Variants in ALK observed in about 807,000 individuals in gnomAD.
ALK encodes the protein ALK tyrosine kinase receptor.
A neutral mutation model predicts 163.1 loss-of-function variants in ALK; 74 were observed. The ratio of observed to expected loss-of-function variants is 0.45; its 90% CI spans 0.38 to 0.55. ALK has a LOEUF of 0.55. ALK is among the 20% of genes least tolerant of loss of function. The pLI is 0.00. For missense variants in ALK, 2,063 were observed against 2,105.3 expected (o/e 0.98, Z 0.39); for synonymous variants, 960 against 843.2 (o/e 1.14, Z -2.40).
intron 4 of ALK, among the ~76,000 whole-genome samples, chr2:29,450,982 C>T (rs1327525205): frequency 3.3e-5 from 5 of 151,960 alleles, no homozygotes; most frequent in African/African-American, 1.2e-4. Flanking sequence ...TTTTATGAGC[C>T]CTAAAGTTTA....
intron 1 of ALK, among the ~76,000 whole-genome samples, chr2:29,913,484 A>C (rs1667758058): frequency 6.6e-6 from 1 of 152,164 alleles, no homozygotes; most frequent in African/African-American, 2.4e-5. Context: ...ACCCTAGACC[A>C]CAGAGCAACA....
At chr2:29,251,567 G>A (rs1357116269) in intron 11 of ALK, among the ~76,000 whole-genome samples, 1 of 152,218 alleles carries the variant, frequency 6.6e-6, no homozygotes, top group Non-Finnish European at 1.5e-5. Flanking sequence ...AGCAAGAATA[G>A]CAAGCCACAG....
chr2:29,791,904 T>G (rs1664199920), intron 1 of ALK, among the ~76,000 whole-genome samples: 1 of 152,198 alleles, frequency 6.6e-6, no homozygotes, highest in African/African-American at 2.4e-5. Flanking sequence ...ATCGGGTGAT[T>G]CAGATGCACT....
At chr2:29,713,353 A>C (rs1475535351) in intron 2 of ALK, among the ~76,000 whole-genome samples, 1 of 152,180 alleles carries the variant, frequency 6.6e-6, no homozygotes, top group Non-Finnish European at 1.5e-5. Flanking sequence ...GGGAGACACA[A>C]GTCAATCCCC....
intron 1 of ALK, among the ~76,000 whole-genome samples, chr2:29,830,992 A>G (rs868392979): frequency 5.7e-5 from 3 of 52,464 alleles, no homozygotes; most frequent in Non-Finnish European, 1.2e-4. Flanking sequence ...GAAGAAGAAG[A>G]AGAAGAAGAA....
chr2:29,461,626 T>C (rs1442876440), intron 4 of ALK, among the ~76,000 whole-genome samples: 1 of 152,170 alleles, frequency 6.6e-6, no homozygotes, highest in Non-Finnish European at 1.5e-5. Flanking sequence ...TGTTCAGACC[T>C]ATTGCTCAGA....
At chr2:29,413,639 C>T (rs1476184060) in intron 4 of ALK, among the ~76,000 whole-genome samples, 2 of 152,190 alleles carry the variant, frequency 1.3e-5, no homozygotes, top group Admixed American at 1.3e-4. Flanking sequence ...TCAAGCAAGT[C>T]TCCTGCCTCA....
At chr2:29,528,310 C>A (rs1327980845) in intron 4 of ALK, among the ~76,000 whole-genome samples, 1 of 152,164 alleles carries the variant, frequency 6.6e-6, no homozygotes, top group Non-Finnish European at 1.5e-5. Flanking sequence ...ACACGCCACC[C>A]ACCATCAAGC....
At chr2:29,452,615 T>C (rs959752420) in intron 4 of ALK, among the ~76,000 whole-genome samples, 7 of 152,214 alleles carry the variant, frequency 4.6e-5, no homozygotes, top group African/African-American at 1.4e-4. Flanking sequence ...ATTTATATAG[T>C]CTCAAAGTAT....
intron 1 of ALK, among the ~76,000 whole-genome samples, chr2:29,732,019 G>T (rs192556462): frequency 9.2e-5 from 14 of 152,196 alleles, no homozygotes; most frequent in Admixed American, 6.5e-5. Context: ...GGTAAACCCT[G>T]GTCATTTGTA....
At chr2:29,298,077 T>C (rs1359586458) in intron 8 of ALK, among the ~76,000 whole-genome samples, 3 of 152,224 alleles carry the variant, frequency 2.0e-5, no homozygotes, top group Non-Finnish European at 4.4e-5. Context: ...CACAATTTGA[T>C]TGAAGAGGTT....
chr2:29,908,040 G>T (rs951897782), intron 1 of ALK, among the ~76,000 whole-genome samples: 1 of 152,002 alleles, frequency 6.6e-6, no homozygotes, highest in Non-Finnish European at 1.5e-5. Context: ...AGCTTCACGG[G>T]GCTCCAACAC....
intron 7 of ALK, among the ~76,000 whole-genome samples, chr2:29,318,627 C>T (rs193259122): frequency 3.3e-3 from 496 of 150,880 alleles, no homozygotes; most frequent in Non-Finnish European, 5.5e-3. Flanking sequence ...AGTGCAGTGG[C>T]GCGATCTTGG....
intron 7 of ALK, among the ~76,000 whole-genome samples, 174 bp from the exon 8 acceptor site, chr2:29,318,578 T>G (rs569909835): frequency 5.3e-5 from 8 of 151,992 alleles, no homozygotes; most frequent in African/African-American, 1.7e-4. Flanking sequence ...TCTTTTTTTT[T>G]TTTTTTGAGA....
intron 1 of ALK, among the ~76,000 whole-genome samples, chr2:29,868,852 A>AG (rs5830135): frequency 0.81 from 123,696 of 152,074 alleles, 50,440 homozygotes; most frequent in Non-Finnish European, 0.83. Context: ...ATAGCTACTG[A>AG]GGTAACATAT....
At chr2:29,462,539 T>C (rs576133655) in intron 4 of ALK, among the ~76,000 whole-genome samples, 1 of 152,312 alleles carries the variant, frequency 6.6e-6, no homozygotes, top group South Asian at 2.1e-4. Flanking sequence ...AAATGATTGT[T>C]AGCATATTTT....
chr2:29,445,433 G>C (rs927095827), intron 4 of ALK, among the ~76,000 whole-genome samples: 1 of 152,200 alleles, frequency 6.6e-6, no homozygotes, highest in African/African-American at 2.4e-5. Flanking sequence ...TCACAGGCTG[G>C]GTAACGCTCT....
chr2:29,524,150 G>T (rs1315338459), intron 4 of ALK, among the ~76,000 whole-genome samples: 5 of 152,160 alleles, frequency 3.3e-5, no homozygotes, highest in Non-Finnish European at 5.9e-5. Flanking sequence ...GGCTTTAGAA[G>T]AGGTGCATCC....
intron 3 of ALK, among the ~76,000 whole-genome samples, chr2:29,540,102 T>C (rs1324514250): frequency 6.6e-6 from 1 of 152,196 alleles, no homozygotes; most frequent in African/African-American, 2.4e-5. Context: ...TGAAATGGTA[T>C]ATTTTCAAAT....
Sources: gnomAD v4.1 joint callset for allele counts (sites outside exome capture counted in the v4.1 genomes callset) on GRCh38, gnomAD v4.1.1 for gene constraint, MANE v1.5 for transcripts, NCBI Gene and HGNC (gene_info 2026-07-23, HGNC 2026-07-21) for gene names.